AUTS2: variants seen among roughly 807,000 people sequenced by gnomAD.
The protein encoded by AUTS2 is autism susceptibility gene 2 protein.
Under a neutral mutation model 112.4 loss-of-function variants are expected in AUTS2, and 17 were observed. The ratio of observed to expected loss-of-function variants is 0.15; its 90% CI spans 0.10 to 0.23. The LOEUF (loss-of-function observed/expected upper bound fraction) is 0.23. AUTS2 is among the 10% of genes least tolerant of loss of function. The pLI is 1.00. For synonymous variants in AUTS2, 751 were observed against 702.7 expected (o/e 1.07, Z -1.09); for missense variants, 1,510 against 1,701.6 (o/e 0.89, Z 1.98).
rs112682454 is a variant in AUTS2, at chr7:70,232,407, CT to C, written c.660+97848del. Among the ~76,000 whole-genome samples the C allele has an allele frequency of 3.7e-3, 537 of 144,702 alleles. 3 individuals are homozygous for C. Among genetic ancestry groups the C allele is most frequent in the African/African-American group, 5.5e-3 (217 of 39,804 alleles). The allele number at this position is 144,702 out of a possible 152,430, so 94.9% of individuals were successfully genotyped here. A position where few individuals can be genotyped will look rare whatever the true frequency, so the allele number is the denominator to read the frequency against. ...TGCATGTGTAATTTAGGCTCTTGCT[CT>C]TTTTTTTTTTTGAGAGACAGAGTCC... On this transcript the variant is annotated intron_variant, in intron 4 of 18. Coordinates refer to ENST00000342771, the MANE Select transcript of AUTS2 (RefSeq NM_015570.4).
chr7:69,891,170 G>A (rs1794504433), intron 1 of AUTS2, among the ~76,000 whole-genome samples: 1 of 152,112 alleles, frequency 6.6e-6, no homozygotes. Context: ...CCACTAGCCT[G>A]CTTGCTGTTG....
chr7:70,431,664 C>T (rs990299217), intron 4 of AUTS2, among the ~76,000 whole-genome samples: 7 of 152,226 alleles, frequency 4.6e-5, no homozygotes, highest in South Asian at 2.1e-4. Flanking sequence ...GGATTACAGG[C>T]GTGAGCCCCG....
chr7:70,786,893 T>TGGAACTTCTGCATGCAC (rs1221783417), intron 17 of AUTS2: 4 of 424,396 alleles, frequency 9.4e-6, no homozygotes, highest in Non-Finnish European at 1.7e-5. Context: ...TCTGCATGCC[T>TGGAACTTCTGCATGCAC]GGAACTTCTG....
intron 5 of AUTS2, among the ~76,000 whole-genome samples, chr7:70,628,571 T>A (rs2129538149): frequency 6.6e-6 from 1 of 151,266 alleles, no homozygotes; most frequent in South Asian, 2.1e-4. Context: ...TATACCTACA[T>A]CCCTCCCCCT....
At position 70,215,781 on chromosome 7, in the gene AUTS2, T is replaced by G. The variant is rs1372087103; in HGVS notation, c.660+81210T>G. ...TCATGGTGAAGATGATGAAATACTTTTTGTACCTGTCTCATGATTGCTTTC... is the reference window on the plus strand; with the variant it reads ...TCATGGTGAAGATGATGAAATACTTGTTGTACCTGTCTCATGATTGCTTTC... On this transcript the variant is annotated intron_variant, in intron 4 of 18. Transcript: ENST00000342771. 2.6e-5 allele frequency among the ~76,000 whole-genome samples: 4 copies of G among 152,196 alleles called. No homozygotes were observed. The East Asian group carries it at 7.7e-4, about 29-fold the overall frequency.
intron 3 of AUTS2, among the ~76,000 whole-genome samples, chr7:70,124,315 C>G (rs1158240531): frequency 6.6e-6 from 1 of 152,034 alleles, no homozygotes; most frequent in Non-Finnish European, 1.5e-5. Context: ...TGCCTGTTTA[C>G]TCTGTTGATA....
chr7:69,714,289 G>GTGTGTGTGTGTGTGTGTT (rs1364673983), intron 1 of AUTS2, among the ~76,000 whole-genome samples: 2 of 149,724 alleles, frequency 1.3e-5, no homozygotes, highest in African/African-American at 4.9e-5. Context: ...GTGTGTGTGT[G>GTGTGTGTGTGTGTGTGTT]TAGAGACCAA....
chr7:70,644,856 G>A (rs1024098742), intron 5 of AUTS2, among the ~76,000 whole-genome samples: 5 of 152,146 alleles, frequency 3.3e-5, no homozygotes, highest in African/African-American at 9.7e-5. Context: ...TCCAGCAAAT[G>A]CGTAGTAGAC....
chr7:69,973,758 C>T (rs1438366101), intron 2 of AUTS2, among the ~76,000 whole-genome samples: 2 of 152,054 alleles, frequency 1.3e-5, no homozygotes, highest in East Asian at 3.9e-4. Context: ...AGATATTGAA[C>T]CATTCTTGCA....
intron 1 of AUTS2, among the ~76,000 whole-genome samples, chr7:69,794,576 A>T (rs1789755450): frequency 6.6e-6 from 1 of 152,154 alleles, no homozygotes; most frequent in Non-Finnish European, 1.5e-5. Context: ...CATGCTTCAT[A>T]TACTTCATTT....
intron 15 of AUTS2, chr7:70,784,434 G>A (rs2129560422): frequency 1.3e-5 from 2 of 152,438 alleles, no homozygotes; most frequent in East Asian, 3.9e-4. Context: ...CCTCCGAGAT[G>A]CTCTATGAGG....
intron 4 of AUTS2, among the ~76,000 whole-genome samples, chr7:70,260,329 G>C (rs1385385474): frequency 6.6e-6 from 1 of 151,994 alleles, no homozygotes; most frequent in Admixed American, 6.6e-5. Context: ...TCACGCCACT[G>C]TACTCCTGCC....
At chr7:70,788,610 G>A (rs1029244176) in intron 18 of AUTS2, among the ~76,000 whole-genome samples, 3 of 152,222 alleles carry the variant, frequency 2.0e-5, no homozygotes, top group Admixed American at 1.3e-4. Flanking sequence ...AGCCCTTTGC[G>A]TGTTTTTCTG....
At chr7:70,418,636 G>A (rs1795088852) in intron 4 of AUTS2, among the ~76,000 whole-genome samples, 3 of 152,156 alleles carry the variant, frequency 2.0e-5, no homozygotes, top group Admixed American at 2.0e-4. Context: ...GCCATCTAAT[G>A]GCCTCTGAAG....
At chr7:70,301,797 C>G (rs568278384) in intron 4 of AUTS2, among the ~76,000 whole-genome samples, 5 of 152,188 alleles carry the variant, frequency 3.3e-5, no homozygotes, top group Admixed American at 6.5e-5. Flanking sequence ...AAGTTCTCGC[C>G]CTGTCACCCA....
intron 1 of AUTS2, among the ~76,000 whole-genome samples, chr7:69,857,918 C>T (rs535430919): frequency 1.6e-4 from 25 of 152,176 alleles, no homozygotes; most frequent in Non-Finnish European, 8.8e-5. Context: ...AGCCAATAAC[C>T]GTAGCAAGCC....
intron 4 of AUTS2, among the ~76,000 whole-genome samples, chr7:70,167,571 A>G (rs1183493702): frequency 1.3e-5 from 2 of 152,222 alleles, no homozygotes; most frequent in Non-Finnish European, 2.9e-5. Flanking sequence ...CCTTGACTCA[A>G]TCAACATTTA....
intron 4 of AUTS2, among the ~76,000 whole-genome samples, chr7:70,364,372 GGCCAACAT>G (rs1156443568): frequency 6.6e-6 from 1 of 151,852 alleles, no homozygotes; most frequent in Non-Finnish European, 1.5e-5. Flanking sequence ...AGAACATCCT[GGCCAACAT>G]GGTGAAACCC....
intron 1 of AUTS2, among the ~76,000 whole-genome samples, chr7:69,877,296 C>T (rs573226506): frequency 6.2e-4 from 95 of 152,270 alleles, no homozygotes; most frequent in Non-Finnish European, 9.4e-4. Context: ...TGTGCCTAGT[C>T]TAAACCAAAA....
Sources: gnomAD v4.1 joint callset for allele counts (sites outside exome capture counted in the v4.1 genomes callset) on GRCh38, gnomAD v4.1.1 for gene constraint, MANE v1.5 for transcripts, NCBI Gene and HGNC (gene_info 2026-07-23, HGNC 2026-07-21) for gene names.